DLGAP2: variants seen among roughly 807,000 people sequenced by gnomAD.
The protein encoded by DLGAP2 is disks large-associated protein 2.
DLGAP2 carries 26 observed loss-of-function variants against 100.3 expected under a neutral mutation model. The ratio of observed to expected loss-of-function variants is 0.26; its 90% CI spans 0.19 to 0.36. DLGAP2 has a LOEUF of 0.36. Among genes scored for constraint, DLGAP2 ranks in the 10% least tolerant of loss-of-function variants. The probability of loss-of-function intolerance (pLI) is 1.00; values close to 1 mark genes in which losing one functional copy is unlikely to be tolerated. For synonymous variants in DLGAP2, 886 were observed against 630.1 expected (o/e 1.41, Z -6.08); for missense variants, 1,858 against 1,453.2 (o/e 1.28, Z -4.53).
chr8:1,306,091 AAGAG>A lies in DLGAP2; in HGVS notation c.106+47213_106+47216del, dbSNP rs1177995079. Among the ~76,000 whole-genome samples, 650 of 131,450 alleles carry A rather than the reference AAGAG, an allele frequency of 4.9e-3. 7 individuals carry two copies. Among genetic ancestry groups the A allele is most frequent in the South Asian group, 0.023 (100 of 4,402 alleles). 86.2% of individuals were successfully genotyped at this position (131,450 alleles called of 152,430 possible). On this transcript the variant is annotated intron_variant, in intron 3 of 14. Transcript: ENST00000637795. ...AAATTAGGCAAAAAAAAAAAAAAAA[AAGAG>A]AGAGGGAGAAAAAATAGAAAATCAT...
intron 3 of DLGAP2, among the ~76,000 whole-genome samples, chr8:1,329,796 C>A (rs572161962): frequency 6.6e-6 from 1 of 152,298 alleles, no homozygotes; most frequent in Admixed American, 6.5e-5. Flanking sequence ...CTGCTGTGAG[C>A]CCTATCAAAC....
intron 2 of DLGAP2, among the ~76,000 whole-genome samples, chr8:948,788 A>C (rs1799398924): frequency 6.6e-6 from 1 of 152,244 alleles, no homozygotes; most frequent in African/African-American, 2.4e-5. Context: ...CTTGTCAGAC[A>C]CTGCCTTTCG....
intron 2 of DLGAP2, among the ~76,000 whole-genome samples, chr8:1,085,922 A>T (rs948652083): frequency 6.6e-6 from 1 of 152,116 alleles, no homozygotes; most frequent in East Asian, 1.9e-4. Flanking sequence ...ATTTATTTGT[A>T]TCTTCAGTTG....
At chr8:1,460,743 CTT>C (rs1272811179) in intron 3 of DLGAP2, among the ~76,000 whole-genome samples, 2 of 152,150 alleles carry the variant, frequency 1.3e-5, no homozygotes, top group Non-Finnish European at 2.9e-5. Flanking sequence ...TCTTTGGAGA[CTT>C]TGGGTTGGAA....
chr8:1,633,587 C>T (rs1797702976), intron 8 of DLGAP2, among the ~76,000 whole-genome samples: 1 of 152,180 alleles, frequency 6.6e-6, no homozygotes, highest in South Asian at 2.1e-4. Context: ...CATACCCACC[C>T]CTTTGAAAAT....
At chr8:1,619,930 C>G (rs1476762293) in intron 6 of DLGAP2, 2 of 152,204 alleles carry the variant, frequency 1.3e-5, no homozygotes, top group Non-Finnish European at 2.9e-5. Context: ...ACACTGTTGG[C>G]CTCAGCATAG....
At chr8:1,149,946 C>A (rs752782058) in intron 2 of DLGAP2, among the ~76,000 whole-genome samples, 1 of 152,170 alleles carries the variant, frequency 6.6e-6, no homozygotes, top group African/African-American at 2.4e-5. Flanking sequence ...CTGATATCTT[C>A]CTGCTCTGTG....
chr8:1,609,486 C>T (rs1372007700), intron 6 of DLGAP2, among the ~76,000 whole-genome samples: 1 of 136,524 alleles, frequency 7.3e-6, no homozygotes, highest in Admixed American at 7.7e-5. Flanking sequence ...CATCAACTAA[C>T]GAGCAAAATC....
Position 1,548,715 on chromosome 8 carries a change from C to A in DLGAP2, c.262C>A (p.Arg88=), listed in dbSNP as rs765789285. Residue 88 remains arginine, a synonymous_variant, in exon 5 of 15, where the codon CGG becomes AGG. Transcript: ENST00000637795. The part of the protein sequence containing the change: ...PRSMKGLSGS[R]TQPPLCSGHT... ...GAGCATGAAGGGCCTTTCCGGAAGT[C>A]GGACCCAGCCGCCGCTGTGTTCCGG... 1 of 1,606,310 alleles carries A rather than the reference C, an allele frequency of 6.2e-7. No individual in the cohort carries two copies. Among genetic ancestry groups the A allele is most frequent in the South Asian group, 1.1e-5 (1 of 89,964 alleles).
At chr8:758,963 A>G (rs1820988960) in intron 1 of DLGAP2, among the ~76,000 whole-genome samples, 1 of 151,032 alleles carries the variant, frequency 6.6e-6, no homozygotes, top group Non-Finnish European at 1.5e-5. Context: ...TCCCATTATC[A>G]ATAACCCCCA....
chr8:1,087,952 C>T (rs955110991), intron 2 of DLGAP2, among the ~76,000 whole-genome samples: 3 of 152,226 alleles, frequency 2.0e-5, no homozygotes, highest in Admixed American at 1.3e-4. Flanking sequence ...AATGTCAGTG[C>T]CAGTTCCTGG....
In DLGAP2 at chr8:760,366, T is replaced by C. The variant is rs74563792; in HGVS notation, c.18+22541T>C. Reference sequence around the variant, plus strand: ...CTTTCTAACCCTTTCATCTCTCTCCTGGTTAGACCGATTGTTTCTGAAATT... The same window carrying C: ...CTTTCTAACCCTTTCATCTCTCTCCCGGTTAGACCGATTGTTTCTGAAATT... On this transcript the variant is annotated intron_variant, in intron 1 of 14. Transcript: ENST00000637795. 5.9e-3 allele frequency among the ~76,000 whole-genome samples: 905 copies of C among 152,312 alleles called. 61 individuals carry two copies. The East Asian group carries it at 0.15, about 25-fold the overall frequency.
chr8:1,224,614 C>A (rs77711836), intron 2 of DLGAP2, among the ~76,000 whole-genome samples: 3,744 of 151,966 alleles, frequency 0.025, 89 homozygotes, highest in East Asian at 0.097. Flanking sequence ...TTTATTAACT[C>A]ATAAGGAGAA....
chr8:858,988 T>C (rs374504498), intron 1 of DLGAP2, among the ~76,000 whole-genome samples: 168 of 152,354 alleles, frequency 1.1e-3, no homozygotes, highest in Non-Finnish European at 2.0e-3. Flanking sequence ...ATGTGAACTC[T>C]GTGAACTTTG....
At chr8:1,225,515 C>G (rs994632228) in intron 2 of DLGAP2, among the ~76,000 whole-genome samples, 1 of 152,176 alleles carries the variant, frequency 6.6e-6, no homozygotes, top group Non-Finnish European at 1.5e-5. Flanking sequence ...GCTGGTTGAA[C>G]AACACGTGAA....
At chr8:800,671 T>A (rs1052973090) in intron 1 of DLGAP2, among the ~76,000 whole-genome samples, 3 of 152,214 alleles carry the variant, frequency 2.0e-5, no homozygotes, top group Non-Finnish European at 4.4e-5. Flanking sequence ...TGCATGTGTG[T>A]ACATGTATGT....
intron 2 of DLGAP2, among the ~76,000 whole-genome samples, chr8:1,165,644 T>A (rs1001507822): frequency 1.3e-5 from 2 of 152,236 alleles, no homozygotes; most frequent in African/African-American, 4.8e-5. Context: ...TTACATGATT[T>A]TCGTCTTTTT....
chr8:1,514,618 T>C (rs1010826805), intron 4 of DLGAP2, among the ~76,000 whole-genome samples: 4 of 152,202 alleles, frequency 2.6e-5, no homozygotes, highest in Admixed American at 1.3e-4. Context: ...GAACTTTGCT[T>C]ATACTCACCT....
intron 12 of DLGAP2, among the ~76,000 whole-genome samples, chr8:1,689,654 G>C (rs529894298): frequency 1.3e-5 from 2 of 152,004 alleles, no homozygotes; most frequent in East Asian, 2.0e-4. Flanking sequence ...AAAAGAGCAG[G>C]TGGAATCATC....
Sources: allele counts gnomAD v4.1 joint callset (sites outside exome capture counted in the v4.1 genomes callset), GRCh38; gene constraint gnomAD v4.1.1; transcripts MANE v1.5; gene names NCBI Gene and HGNC (gene_info 2026-07-23, HGNC 2026-07-21).